The following SEZ6 variants were observed in gnomAD, a reference collection of about 807,000 sequenced individuals.
SEZ6 encodes seizure related 6 homolog, also known as seizure protein 6 homolog.
A neutral mutation model predicts 101.0 loss-of-function variants in SEZ6; 53 were observed. The ratio of observed to expected loss-of-function variants is 0.52; its 90% CI spans 0.42 to 0.66. SEZ6 has a LOEUF of 0.66. Ranked by LOEUF, SEZ6 falls within the 30% of genes least tolerant of loss-of-function variation. The pLI, the probability that SEZ6 is intolerant of heterozygous loss-of-function variation, is 0.00. For missense variants in SEZ6, 1,102 were observed against 1,289.4 expected, an observed-to-expected ratio of 0.85 and a Z score of 2.23; for synonymous variants, 488 against 512.2, an observed-to-expected ratio of 0.95 and a Z score of 0.64.
chr17:28,968,493 T>C (rs1377219021), intron 4 of SEZ6, among the ~76,000 whole-genome samples: 1 of 152,236 alleles, frequency 6.6e-6, no homozygotes, highest in Non-Finnish European at 1.5e-5. Context: ...CGTGAAATTA[T>C]GCCTGCTGCC....
In SEZ6 at chr17:28,981,990, G is replaced by A. The variant is rs371133854; in HGVS notation, c.105C>T (p.Ile35=). Residue 35 remains isoleucine, a synonymous_variant, in exon 2 of 17, where the codon ATC becomes ATT. Coordinates refer to ENST00000317338, the MANE Select transcript of SEZ6 (RefSeq NM_178860.5). ...CTGTCAGCTCGCCATCTGTCTCCTC[G>A]ATGCCTGGGGCTTGTCCTTTCCCCA... ...PTVGKGQAPG[I]EETDGELTAA... is the part of the protein sequence containing the mutation. The A allele has an allele frequency of 4.8e-5, 77 of 1,612,028 alleles. No homozygotes were observed. The highest frequency in any genetic ancestry group is 1.7e-4 in the Middle Eastern group (1 of 6,058).
rs1431309256 is a variant in SEZ6 at position 28,979,899 on chromosome 17, G to A, written c.725-86C>T. 7.0e-6 allele frequency: 9 copies of A among 1,291,262 alleles called. No homozygotes were observed. In the Admixed American group the frequency reaches 1.9e-4, roughly 27 times the overall value. The allele number at this position is 1,291,262 out of a possible 1,614,324, so 80.0% of individuals were successfully genotyped here. On this transcript the variant is annotated intron_variant, in intron 2 of 16. Coordinates refer to ENST00000317338, the MANE Select transcript of SEZ6 (RefSeq NM_178860.5). ...CTGAACCGTGTGTGTGTGTGTGTGT[G>A]TGTGTGTGTGTGTGTGTGTGTGTGT...
In SEZ6 at chr17:28,959,569, C is replaced by G; in HGVS notation, c.1772-97G>C. 1 of 1,554,748 alleles carries G rather than the reference C, an allele frequency of 6.4e-7. No homozygotes were observed. The highest frequency in any genetic ancestry group is 1.2e-5 in the South Asian group (1 of 83,418). Reference sequence around the variant, plus strand: ...AGTGCCCACAAATTGCTGGGACCCCCCACCTCCTCCTTGGAGGAAGCCTGA... The same window carrying G: ...AGTGCCCACAAATTGCTGGGACCCCGCACCTCCTCCTTGGAGGAAGCCTGA... On this transcript the variant is annotated intron_variant, in intron 8 of 16. Transcript: ENST00000317338. The surrounding 1 kb of genome is among the most constrained non-coding windows in gnomAD (Gnocchi z 4.4).
At position 29,005,711 on chromosome 17, in the gene SEZ6, G is replaced by T; in HGVS notation, c.55+104C>A. 8.1e-7 allele frequency: 1 copy of T among 1,229,524 alleles called. No individual in the cohort carries two copies. The highest frequency in any genetic ancestry group is 1.1e-6 in the Non-Finnish European group (1 of 923,740). 76.2% of individuals were successfully genotyped at this position (1,229,524 alleles called of 1,614,324 possible). On this transcript the variant is annotated intron_variant, in intron 1 of 16. Transcript: ENST00000317338. The surrounding 1 kb of genome is among the most constrained non-coding windows in gnomAD (Gnocchi z 4.8). ...GCGCAGCCGGCGGGGCGCGGTGCTT[G>T]GACTGGGCAGCCAGATGCCCGAAGC...
chr17:28,989,858 AG>A (rs1460543704), intron 1 of SEZ6, among the ~76,000 whole-genome samples: 2 of 152,318 alleles, frequency 1.3e-5, no homozygotes, highest in East Asian at 3.9e-4. Context: ...ACCTGAGGTC[AG>A]GAGTTCGAGA....
chr17:28,985,292 G>T (rs928130209), intron 1 of SEZ6, among the ~76,000 whole-genome samples: 1 of 152,214 alleles, frequency 6.6e-6, no homozygotes, highest in African/African-American at 2.4e-5. Context: ...CTGGCATTGG[G>T]ACTTGGGTTG....
At position 28,956,716 on chromosome 17, in the gene SEZ6, T is replaced by C. The variant is rs2152682756; in HGVS notation, c.2731+3A>G. 1.3e-6 allele frequency: 2 copies of C among 1,560,880 alleles called. No individual in the cohort carries two copies. Among genetic ancestry groups the C allele is most frequent in the African/African-American group, 1.4e-5 (1 of 73,600 alleles). ...TTCTCTGGCCTCAAGGGTGGAGACT[T>C]ACCATCCAGGCTGCGACTGTTGTAG... is the stretch of plus-strand genomic sequence containing the variant. On this transcript the variant is annotated splice_donor_region_variant and intron_variant, in intron 14 of 16. Coordinates refer to ENST00000317338, the MANE Select transcript of SEZ6 (RefSeq NM_178860.5).
chr17:29,002,499 C>T (rs1598218013), intron 1 of SEZ6, among the ~76,000 whole-genome samples: 1 of 152,216 alleles, frequency 6.6e-6, no homozygotes, highest in African/African-American at 2.4e-5. Context: ...GAGCAAAAAG[C>T]CAACTCAGGC....
At chr17:28,978,779 A>G (rs2041258790) in intron 3 of SEZ6, among the ~76,000 whole-genome samples, 1 of 151,376 alleles carries the variant, frequency 6.6e-6, no homozygotes, top group Non-Finnish European at 1.5e-5. Context: ...GTAGGGAGCA[A>G]GTGTGGGCGG....
chr17:29,000,773 C>A (rs1173238231), intron 1 of SEZ6, among the ~76,000 whole-genome samples: 1 of 152,112 alleles, frequency 6.6e-6, no homozygotes, highest in African/African-American at 2.4e-5. Context: ...CAAGTCCATT[C>A]GAGGCATCCC....
At chr17:28,956,964 TTC>T in intron 13 of SEZ6, 79 bp downstream of exon 13, 1 of 1,451,914 alleles carries the variant, frequency 6.9e-7, no homozygotes, top group African/African-American at 1.4e-5. Flanking sequence ...GGGCAGGTGG[TTC>T]TGGTTCTAAA....
At chr17:28,999,189 A>G (rs537367593) in intron 1 of SEZ6, among the ~76,000 whole-genome samples, 69 of 152,252 alleles carry the variant, frequency 4.5e-4, no homozygotes, top group Non-Finnish European at 8.4e-4. Flanking sequence ...TGATCAGGAA[A>G]AGAGGGGATG....
Position 28,960,991 on chromosome 17 carries a change from G to C in SEZ6, c.1241-18C>G, listed in dbSNP as rs371667423. On this transcript the variant is annotated intron_variant, in intron 5 of 16. Coordinates refer to ENST00000317338, the MANE Select transcript of SEZ6 (RefSeq NM_178860.5). The stretch of plus-strand genomic sequence containing the variant: ...GCAAGCAGCTGTTAAGACCAGGACA[G>C]GACGTAGGCTAGGCCCCTGCCTGAA... The C allele has an allele frequency of 1.1e-4, 172 of 1,605,960 alleles. No homozygotes were observed. In the African/African-American group the frequency reaches 1.6e-3, roughly 15 times the overall value.
intron 3 of SEZ6, among the ~76,000 whole-genome samples, chr17:28,972,018 G>C (rs2041157767): frequency 6.6e-6 from 1 of 152,252 alleles, no homozygotes. Context: ...TCATTAACGT[G>C]CACTGCAGCC....
At chr17:28,989,588 GC>G (rs1372277006) in intron 1 of SEZ6, among the ~76,000 whole-genome samples, 1 of 152,144 alleles carries the variant, frequency 6.6e-6, no homozygotes, top group East Asian at 1.9e-4. Context: ...AACCACCTTT[GC>G]CAAAATTATA....
chr17:28,963,129 A>C (rs1423748656), intron 5 of SEZ6, among the ~76,000 whole-genome samples: 2 of 66,468 alleles, frequency 3.0e-5, no homozygotes, highest in Non-Finnish European at 5.4e-5. Context: ...GTCTCGAAGA[A>C]AAAAAAAAAA....
At chr17:29,000,681 G>A (rs2041604082) in intron 1 of SEZ6, among the ~76,000 whole-genome samples, 1 of 152,190 alleles carries the variant, frequency 6.6e-6, no homozygotes, top group African/African-American at 2.4e-5. Flanking sequence ...CTATGTGAGA[G>A]TGTCTGAAGC....
At chr17:28,980,621 G>T (rs2041287353) in intron 2 of SEZ6, among the ~76,000 whole-genome samples, 1 of 152,128 alleles carries the variant, frequency 6.6e-6, no homozygotes, top group African/African-American at 2.4e-5. Context: ...ACACGCCTCA[G>T]CCTCCCAAAG....
intron 2 of SEZ6, 105 bp downstream of exon 2, chr17:28,981,266 G>T (rs1307496055): frequency 5.5e-6 from 8 of 1,446,104 alleles, no homozygotes; most frequent in Non-Finnish European, 7.3e-6. Context: ...GGCCCTTGGT[G>T]CCAAAGGGCA....
Sources: gnomAD v4.1 joint callset for allele counts (sites outside exome capture counted in the v4.1 genomes callset) on GRCh38, gnomAD v4.1.1 for gene constraint, Gnocchi (gnomAD v3.1) non-coding constraint, MANE v1.5 for transcripts, NCBI Gene and HGNC (gene_info 2026-07-23, HGNC 2026-07-21) for gene names.